The following U2SURP variants were observed in gnomAD, a reference collection of about 807,000 sequenced individuals.
The protein encoded by U2SURP is U2 snRNP associated SURP domain containing.
Under a neutral mutation model 144.9 loss-of-function variants are expected in U2SURP, and 9 were observed. That is an observed-to-expected ratio of 0.06 (90% CI 0.04 to 0.11). U2SURP has a LOEUF of 0.11. Ranked by LOEUF, U2SURP falls within the 10% of genes least tolerant of loss-of-function variation. The pLI, the probability that U2SURP is intolerant of heterozygous loss-of-function variation, is 1.00. For missense variants in U2SURP, 724 were observed against 1,226.7 expected (o/e 0.59, Z 6.12); for synonymous variants, 408 against 396.8 (o/e 1.03, Z -0.33).
chr3:143,001,721 T>C (rs2108260709), intron 1 of U2SURP, 48 bp downstream of exon 1: 5 of 1,607,382 alleles, frequency 3.1e-6, no homozygotes, highest in Non-Finnish European at 4.3e-6. Context: ...CCACTGTCGT[T>C]TGGGGCCCAC....
chr3:143,020,121 C>A (rs973217256), intron 7 of U2SURP, 85 bp downstream of exon 7: 2 of 789,286 alleles, frequency 2.5e-6, no homozygotes, highest in Non-Finnish European at 3.7e-6. Context: ...ATATACTGTA[C>A]CAGTTAGTTA....
At chr3:143,027,335 C>A in intron 14 of U2SURP, 82 bp downstream of exon 14, 1 of 969,500 alleles carries the variant, frequency 1.0e-6, no homozygotes, top group Non-Finnish European at 1.6e-6. Flanking sequence ...AGTTCAGTGT[C>A]ATTAAGTACA....
At chr3:143,017,079 G>T in intron 6 of U2SURP, 104 bp downstream of exon 6, 1 of 1,164,968 alleles carries the variant, frequency 8.6e-7, no homozygotes, top group Non-Finnish European at 1.1e-6. Context: ...TTTGGTGGGG[G>T]CAGGGTGGTA....
At position 143,057,915 on chromosome 3, in the gene U2SURP, A is replaced by G. The variant is rs1160701609; in HGVS notation, c.*1465A>G. 2 of 152,398 alleles carry G rather than the reference A, an allele frequency of 1.3e-5. No homozygotes were observed. The highest frequency in any genetic ancestry group is 4.8e-5 in the African/African-American group (2 of 41,434). 9.4% of individuals were successfully genotyped at this position (152,398 alleles called of 1,614,324 possible). On this transcript the variant is annotated 3_prime_UTR_variant, in exon 28 of 28. Transcript: ENST00000473835. Reference sequence around the variant, plus strand: ...GATACACTATTTCCAAACGGTGCACACCTACAGTAGCTTTGGAAATGAGCC... The same window carrying G: ...GATACACTATTTCCAAACGGTGCACGCCTACAGTAGCTTTGGAAATGAGCC...
At chr3:143,051,700 A>T (rs1006329984) in intron 25 of U2SURP, among the ~76,000 whole-genome samples, 1 of 152,056 alleles carries the variant, frequency 6.6e-6, no homozygotes, top group Admixed American at 6.5e-5. Context: ...ATCACTATAA[A>T]GCTGTTAATG....
chr3:143,052,841 T>G (rs535409832), intron 25 of U2SURP, among the ~76,000 whole-genome samples: 40 of 152,306 alleles, frequency 2.6e-4, no homozygotes, highest in African/African-American at 9.6e-4. Flanking sequence ...AAGAACTAAG[T>G]TAGTTGTGTG....
chr3:143,031,336 A>G (rs1410064095), intron 16 of U2SURP, among the ~76,000 whole-genome samples: 2 of 131,828 alleles, frequency 1.5e-5, no homozygotes, highest in Non-Finnish European at 3.3e-5. Context: ...CTGCAGAGAA[A>G]TCCCCTGTGA....
intron 24 of U2SURP, among the ~76,000 whole-genome samples, chr3:143,047,147 G>A (rs1481381590): frequency 2.0e-5 from 2 of 100,596 alleles, no homozygotes; most frequent in Non-Finnish European, 3.9e-5. Context: ...CTCACCTCCC[G>A]GACGGGGCGG....
chr3:143,007,476 C>G (rs956919053), intron 1 of U2SURP, among the ~76,000 whole-genome samples: 1 of 139,608 alleles, frequency 7.2e-6, no homozygotes, highest in South Asian at 2.2e-4. Context: ...GACAGAGTCT[C>G]GCTCTGTCGC....
At chr3:143,018,954 ATT>A (rs1560182078) in intron 6 of U2SURP, among the ~76,000 whole-genome samples, 1 of 152,026 alleles carries the variant, frequency 6.6e-6, no homozygotes, top group African/African-American at 2.4e-5. Context: ...AAACAAAACT[ATT>A]TTGTTTGAAA....
rs368643846 is a variant in U2SURP, at chr3:143,023,034, G to A, written c.1200G>A (p.Pro400=). 30 of 1,606,906 alleles carry A rather than the reference G, an allele frequency of 1.9e-5. No homozygotes were observed. Among genetic ancestry groups the A allele is most frequent in the East Asian group, 4.5e-5 (2 of 44,758 alleles). Residue 400 remains proline (P), a synonymous_variant, in exon 12 of 28, where the codon CCG becomes CCA. Coordinates refer to ENST00000473835, the MANE Select transcript of U2SURP (RefSeq NM_001080415.2). The part of the protein sequence containing the change: ...RLKNPNAPML[P]PPKNKEDFEK... Reference sequence around the variant, plus strand: ...AAAACCCTAATGCTCCTATGTTACCGCCACCTAAAAACAAAGAGGATTTTG... The same window carrying A: ...AAAACCCTAATGCTCCTATGTTACCACCACCTAAAAACAAAGAGGATTTTG...
chr3:143,022,456 C>A, intron 10 of U2SURP, 41 bp from the exon 11 acceptor site: 1 of 1,420,434 alleles, frequency 7.0e-7, no homozygotes, highest in Non-Finnish European at 9.3e-7. Flanking sequence ...TTTTTCTTTT[C>A]CCTTTTTTGC....
At chr3:143,019,041 T>G (rs1488838529) in intron 6 of U2SURP, among the ~76,000 whole-genome samples, 1 of 152,244 alleles carries the variant, frequency 6.6e-6, no homozygotes, top group Non-Finnish European at 1.5e-5. Context: ...CTTGATTATA[T>G]TGAGCATCTT....
intron 13 of U2SURP, among the ~76,000 whole-genome samples, chr3:143,024,901 T>G (rs1214380360): frequency 3.3e-5 from 5 of 152,088 alleles, no homozygotes; most frequent in South Asian, 2.1e-4. Flanking sequence ...TTTTGTTTTT[T>G]TTTTGGTTAT....
intron 24 of U2SURP, among the ~76,000 whole-genome samples, chr3:143,043,517 A>G (rs1052061811): frequency 6.6e-6 from 1 of 151,766 alleles, no homozygotes; most frequent in Non-Finnish European, 1.5e-5. Context: ...TTTTATATGT[A>G]TTGTGGGGTA....
At chr3:143,020,113 A>AT (rs1352456895) in intron 7 of U2SURP, 77 bp downstream of exon 7, 1 of 867,112 alleles carries the variant, frequency 1.2e-6, no homozygotes, top group East Asian at 3.0e-5. Flanking sequence ...TATAAAGAAT[A>AT]TACTGTACCA....
At chr3:143,026,402 G>C (rs1296802510) in intron 13 of U2SURP, 1 of 152,072 alleles carries the variant, frequency 6.6e-6, no homozygotes, top group African/African-American at 2.4e-5. Flanking sequence ...TTCACTTAAG[G>C]CTTTGGCAAC....
At chr3:143,054,055 A>G (rs1935023146) in intron 26 of U2SURP, among the ~76,000 whole-genome samples, 1 of 152,238 alleles carries the variant, frequency 6.6e-6, no homozygotes, top group African/African-American at 2.4e-5. Context: ...CAATTACAGT[A>G]TTAGATATCA....
Position 143,059,797 on chromosome 3 carries a change from A to G in U2SURP, c.*3347A>G, listed in dbSNP as rs1226560002. The G allele has an allele frequency of 6.6e-6, 1 of 152,190 alleles. No individual in the cohort carries two copies. Among genetic ancestry groups the G allele is most frequent in the East Asian group, 1.9e-4 (1 of 5,200 alleles). The allele number at this position is 152,190 out of a possible 1,614,324, so 9.4% of individuals were successfully genotyped here. ...CAGAAAATTGTGCAGATACTAGTGAAGATACTAGTATAAGTTTAAAGGAAC... is the reference window on the plus strand; with the variant it reads ...CAGAAAATTGTGCAGATACTAGTGAGGATACTAGTATAAGTTTAAAGGAAC... On this transcript the variant is annotated 3_prime_UTR_variant, in exon 28 of 28. Coordinates refer to ENST00000473835, the MANE Select transcript of U2SURP (RefSeq NM_001080415.2).
Sources: gnomAD v4.1 joint callset for allele counts (sites outside exome capture counted in the v4.1 genomes callset) on GRCh38, gnomAD v4.1.1 for gene constraint, MANE v1.5 for transcripts, NCBI Gene and HGNC (gene_info 2026-07-23, HGNC 2026-07-21) for gene names.